The following TIFA variants were observed in gnomAD, a reference collection of about 807,000 sequenced individuals.
The protein encoded by TIFA is TRAF-interacting protein with FHA domain-containing protein A.
For missense variants in TIFA, 186 were observed against 215.2 expected (o/e 0.86, Z 0.85); for synonymous variants, 75 against 79.2 (o/e 0.95, Z 0.28).
rs766927184 is a variant in TIFA at position 112,278,078 on chromosome 4, G to A, written c.339C>T (p.Tyr113=). ...ACTCTCCGAATCTGACCATGCACCTGTATGGCAGGTCCATTTTATTTAGGT... is the reference window on the plus strand; with the variant it reads ...ACTCTCCGAATCTGACCATGCACCTATATGGCAGGTCCATTTTATTTAGGT... ...LGYLNKMDLP[Y]RCMVRFGEYQ... is the part of the protein sequence containing the mutation. Residue 113 remains tyrosine, a synonymous_variant, in exon 2 of 2, where the codon TAC becomes TAT. Transcript: ENST00000361717. 2 of 1,613,934 alleles carry A rather than the reference G, an allele frequency of 1.2e-6. No homozygotes were observed. Among genetic ancestry groups the A allele is most frequent in the East Asian group, 2.2e-5 (1 of 44,882 alleles).
Position 112,274,547 on chromosome 4 carries a change from A to T in TIFA, c.*3315T>A, listed in dbSNP as rs1032454456. The stretch of plus-strand genomic sequence containing the variant: ...TAATAACAAAGCCTGTTATCTTAAT[A>T]ATATAAGTAATTAATTAAACAAGTG... On this transcript the variant is annotated 3_prime_UTR_variant, in exon 2 of 2. Transcript: ENST00000361717. 1 of 152,188 alleles carries T rather than the reference A, an allele frequency of 6.6e-6. No homozygotes were observed. Among genetic ancestry groups the T allele is most frequent in the Non-Finnish European group, 1.5e-5 (1 of 68,038 alleles). The allele number at this position is 152,188 out of a possible 1,614,324, so 9.4% of individuals were successfully genotyped here.
chr4:112,282,086 C>A (rs1578432610), intron 1 of TIFA, among the ~76,000 whole-genome samples: 1 of 152,316 alleles, frequency 6.6e-6, no homozygotes, highest in South Asian at 2.1e-4. Context: ...CTTTCCCATG[C>A]TGTTCTTGTG....
chr4:112,283,364 G>C (rs1040650010), intron 1 of TIFA, among the ~76,000 whole-genome samples: 5 of 152,154 alleles, frequency 3.3e-5, no homozygotes, highest in African/African-American at 1.2e-4. Context: ...AGTAACCTGG[G>C]TATCAGTAAG....
Position 112,278,242 on chromosome 4 carries a change from T to C in TIFA, c.175A>G (p.Thr59Ala), listed in dbSNP as rs1266986450. Residue 59 changes from threonine (T) to alanine (A), a missense_variant, in exon 2 of 2, where the codon ACT becomes GCT. Thr to Ala is a moderately conservative substitution (Grantham distance 58). Transcript: ENST00000361717. ...CGGGAAACCTGTTTGTCCTGAAAAG[T>C]ATAATGACAGATGTTGGAATTTCGG... The part of the protein sequence containing the change: ...FGRNSNICHY[T>A]FQDKQVSRVQ... 6.2e-7 allele frequency: 1 copy of C among 1,614,032 alleles called. No homozygotes were observed. The highest frequency in any genetic ancestry group is 2.2e-5 in the East Asian group (1 of 44,882).
intron 1 of TIFA, among the ~76,000 whole-genome samples, 154 bp from the exon 2 acceptor site, chr4:112,278,588 T>C (rs1229342187): frequency 2.0e-5 from 3 of 152,236 alleles, no homozygotes; most frequent in Non-Finnish European, 1.5e-5. Flanking sequence ...CTAGTAGATA[T>C]GTGAAATCTT....
At position 112,280,343 on chromosome 4, in the gene TIFA, C is replaced by CTT. The variant is rs34544244; in HGVS notation, c.-18-1911_-18-1910dup. ...TCCCTTTCTATCTTGCTGGCATTTC[C>CTT]TTTTTTTTTTTTTTTTTTTTTTTTG... On this transcript the variant is annotated intron_variant, in intron 1 of 1. Transcript: ENST00000361717. 1.7e-3 allele frequency among the ~76,000 whole-genome samples: 130 copies of CTT among 76,752 alleles called. 1 individual carries two copies. The highest frequency in any genetic ancestry group is 4.8e-3 in the African/African-American group (87 of 18,238). 50.4% of individuals were successfully genotyped at this position (76,752 alleles called of 152,430 possible). A position where few individuals can be genotyped will look rare whatever the true frequency, so the allele number is the denominator to read the frequency against.
chr4:112,282,114 C>T (rs1211794457), intron 1 of TIFA, among the ~76,000 whole-genome samples: 3 of 152,146 alleles, frequency 2.0e-5, no homozygotes, highest in Admixed American at 1.3e-4. Flanking sequence ...ATAAGTATCA[C>T]AAGATCTGAT....
Position 112,285,695 on chromosome 4 carries a change from G to A in TIFA, c.-74C>T, listed in dbSNP as rs548151444. The A allele has an allele frequency of 1.3e-4, 20 of 152,538 alleles. No individual in the cohort carries two copies. Among genetic ancestry groups the A allele is most frequent in the African/African-American group, 4.8e-4 (20 of 41,584 alleles). The allele number at this position is 152,538 out of a possible 1,614,324, so 9.4% of individuals were successfully genotyped here. On this transcript the variant is annotated 5_prime_UTR_variant, in exon 1 of 2. Transcript: ENST00000361717. ...AGCTGTTCGGCTCTCCCGGCTCAGA[G>A]CGAGGGGAATCGAGGAGACTGGGCG...
At chr4:112,278,661 A>G (rs1397801656) in intron 1 of TIFA, among the ~76,000 whole-genome samples, 2 of 152,234 alleles carry the variant, frequency 1.3e-5, no homozygotes, top group African/African-American at 4.8e-5. Flanking sequence ...TAGTTTGACT[A>G]TAACACCATA....
intron 1 of TIFA, among the ~76,000 whole-genome samples, chr4:112,279,713 C>T (rs934502171): frequency 9.9e-5 from 15 of 151,106 alleles, no homozygotes; most frequent in Non-Finnish European, 1.8e-4. Context: ...GTCGCCCAGG[C>T]TGGAGTGCAA....
rs763557853 is a variant in TIFA, at chr4:112,277,960, T to C, written c.457A>G (p.Asn153Asp). The change falls in exon 2 of 2, where the codon AAC becomes GAC. Residue 153 changes from asparagine (N) to aspartate (D), a missense_variant. Physicochemically the swap from Asn to Asp is conservative, Grantham distance 23 (BLOSUM62 1). Transcript: ENST00000361717. ...GGTATGGGCCTGTGTGGTGGCCAGT[T>C]GTTTTCTTGCAAGAGTGATCTTGGA... ...LSPRSLLQEN[N>D]WPPHRPIPEY... 3.5e-5 allele frequency: 56 copies of C among 1,614,090 alleles called. No homozygotes were observed. The highest frequency in any genetic ancestry group is 4.6e-5 in the Non-Finnish European group (54 of 1,179,994).
rs1303575134 is a variant in TIFA at position 112,278,065 on chromosome 4, T to C, written c.352A>G (p.Arg118Gly). The change falls in exon 2 of 2, where the codon AGA (arginine) becomes GGA (glycine). Residue 118 changes from arginine (R) to glycine (G), a missense_variant. Physicochemically the swap from Arg to Gly is moderately radical, Grantham distance 125. Transcript: ENST00000361717. ...KMDLPYRCMV[R>G]FGEYQFLMEK... ...ATCAGAAACTGATACTCTCCGAATC[T>C]GACCATGCACCTGTATGGCAGGTCC... 1 of 1,614,070 alleles carries C rather than the reference T, an allele frequency of 6.2e-7. No individual in the cohort carries two copies. Among genetic ancestry groups the C allele is most frequent in the Non-Finnish European group, 8.5e-7 (1 of 1,180,010 alleles).
At chr4:112,285,426 T>C (rs1450177735) in intron 1 of TIFA, 2 of 152,142 alleles carry the variant, frequency 1.3e-5, no homozygotes, top group East Asian at 1.9e-4. Context: ...TTTATGTAAA[T>C]ATTCTCATAT....
chr4:112,280,343 C>CTTTTTTTT, intron 1 of TIFA, among the ~76,000 whole-genome samples: 1 of 76,750 alleles, frequency 1.3e-5, no homozygotes, highest in Non-Finnish European at 2.3e-5. Context: ...CTGGCATTTC[C>CTTTTTTTT]TTTTTTTTTT....
chr4:112,279,034 A>G (rs1356272802), intron 1 of TIFA, among the ~76,000 whole-genome samples: 1 of 152,262 alleles, frequency 6.6e-6, no homozygotes, highest in African/African-American at 2.4e-5. Context: ...TAAATGCTTT[A>G]AATGGTTATT....
At chr4:112,279,239 G>A (rs553531864) in intron 1 of TIFA, among the ~76,000 whole-genome samples, 22 of 151,752 alleles carry the variant, frequency 1.4e-4, no homozygotes, top group African/African-American at 5.1e-4. Context: ...CTTGAGAGCC[G>A]ATGGCCCGAG....
At position 112,277,604 on chromosome 4, in the gene TIFA, A is replaced by G. The variant is rs1419648011; in HGVS notation, c.*258T>C. 1 of 311,444 alleles carries G rather than the reference A, an allele frequency of 3.2e-6. No homozygotes were observed. The highest frequency in any genetic ancestry group is 4.5e-5 in the Admixed American group (1 of 22,366). 19.3% of individuals were successfully genotyped at this position (311,444 alleles called of 1,614,324 possible). A position where few individuals can be genotyped will look rare whatever the true frequency, so the allele number is the denominator to read the frequency against. On this transcript the variant is annotated 3_prime_UTR_variant, in exon 2 of 2. Transcript: ENST00000361717. ...TATTTTGAGAACACGACTTCATCTC[A>G]AAGGATACTTTTTGTATATTAATCC...
At chr4:112,282,636 C>G (rs1331991332) in intron 1 of TIFA, among the ~76,000 whole-genome samples, 2 of 152,132 alleles carry the variant, frequency 1.3e-5, no homozygotes, top group Non-Finnish European at 2.9e-5. Flanking sequence ...AAGCATGTCC[C>G]CACAGAACTC....
chr4:112,282,873 T>C (rs1050444361), intron 1 of TIFA, among the ~76,000 whole-genome samples: 54 of 152,212 alleles, frequency 3.5e-4, no homozygotes, highest in African/African-American at 1.2e-3. Context: ...CAGCACATTC[T>C]GGGTGTGGAT....
Sources: allele counts gnomAD v4.1 joint callset (sites outside exome capture counted in the v4.1 genomes callset), GRCh38; gene constraint gnomAD v4.1.1; transcripts MANE v1.5; gene names NCBI Gene and HGNC (gene_info 2026-07-23, HGNC 2026-07-21).